MEGF11: variants seen among roughly 807,000 people sequenced by gnomAD.
MEGF11 encodes the protein multiple epidermal growth factor-like domains protein 11.
MEGF11 carries 126 observed loss-of-function variants against 146.6 expected under a neutral mutation model. The ratio of observed to expected loss-of-function variants is 0.86; its 90% CI spans 0.74 to 1.00. MEGF11 has a LOEUF of 1.00. Ranked by LOEUF, MEGF11 falls within the 50% of genes least tolerant of loss-of-function variation. The pLI, the probability that MEGF11 is intolerant of heterozygous loss-of-function variation, is 0.00. For synonymous variants in MEGF11, 532 were observed against 583.4 expected, an observed-to-expected ratio of 0.91 and a Z score of 1.27; for missense variants, 1,509 against 1,521.2, an observed-to-expected ratio of 0.99 and a Z score of 0.13.
chr15:65,904,309 C>CTG lies in MEGF11; in HGVS notation c.3055+1774_3055+1775dup, dbSNP rs1476717504. Among the ~76,000 whole-genome samples, 5 of 152,300 alleles carry CTG rather than the reference C, an allele frequency of 3.3e-5. No homozygotes were observed. In the East Asian group the frequency reaches 9.6e-4, roughly 29 times the overall value. ...GCCAGGTCATAGTCACGAAATAGAA[C>CTG]TGTTCTTTGTTTTCAGCCTTACCTA... On this transcript the variant is annotated intron_variant, in intron 24 of 25. Coordinates refer to ENST00000395614, the MANE Select transcript of MEGF11 (RefSeq NM_001385028.1).
chr15:66,082,229 C>A (rs2085887182), intron 5 of MEGF11, among the ~76,000 whole-genome samples: 1 of 151,658 alleles, frequency 6.6e-6, no homozygotes, highest in African/African-American at 2.4e-5. Flanking sequence ...CCTCCCTGAG[C>A]TTTGATTTCT....
chr15:65,923,394 G>C (rs1428495137), intron 13 of MEGF11, among the ~76,000 whole-genome samples: 1 of 152,204 alleles, frequency 6.6e-6, no homozygotes, highest in East Asian at 1.9e-4. Context: ...CTATGGGCAA[G>C]TAAGTGCCAG....
At chr15:65,926,602 G>A (rs1202660906) in intron 13 of MEGF11, among the ~76,000 whole-genome samples, 1 of 152,158 alleles carries the variant, frequency 6.6e-6, no homozygotes, top group Non-Finnish European at 1.5e-5. Flanking sequence ...AGAGGTGAGT[G>A]GGGAGGGCTC....
intron 1 of MEGF11, among the ~76,000 whole-genome samples, chr15:66,131,992 C>T (rs1256442404): frequency 6.6e-6 from 1 of 152,220 alleles, no homozygotes; most frequent in Non-Finnish European, 1.5e-5. Context: ...TCTATTCTAA[C>T]ACTCAAGGGC....
At chr15:65,922,562 G>C in intron 14 of MEGF11, 90 bp from the exon 15 acceptor site, 1 of 1,448,912 alleles carries the variant, frequency 6.9e-7, no homozygotes, top group Non-Finnish European at 9.1e-7. Flanking sequence ...CAGAAACATG[G>C]GGAGACCTGC....
At chr15:65,917,930 C>T (rs2141231663) in intron 16 of MEGF11, 36 bp downstream of exon 16, 1 of 1,613,064 alleles carries the variant, frequency 6.2e-7, no homozygotes, top group African/African-American at 1.3e-5. Context: ...TGGGCCTGAC[C>T]CCAGGTAGGG....
At chr15:66,203,238 G>C (rs1175721192) in intron 1 of MEGF11, among the ~76,000 whole-genome samples, 1 of 152,206 alleles carries the variant, frequency 6.6e-6, no homozygotes, top group East Asian at 1.9e-4. Flanking sequence ...GGAGGTCGGA[G>C]AGCATCGGGC....
chr15:66,051,992 C>G (rs1162367405), intron 5 of MEGF11, among the ~76,000 whole-genome samples: 1 of 152,214 alleles, frequency 6.6e-6, no homozygotes, highest in African/African-American at 2.4e-5. Context: ...TTTACTCCAT[C>G]AGCAGGCTGC....
Position 65,909,802 on chromosome 15 carries a change from C to T in MEGF11, c.2834G>A (p.Ser945Asn). Residue 945 changes from serine to asparagine, a missense_variant, in exon 22 of 26, where the codon AGT becomes AAT. Coordinates refer to ENST00000395614, the MANE Select transcript of MEGF11 (RefSeq NM_001385028.1). ...TGTGTCTCTGTCAAGGGACTTGTTACTGAGCTGTTTGGAGAGTAGGAGAGC... is the reference window on the plus strand; with the variant it reads ...TGTGTCTCTGTCAAGGGACTTGTTATTGAGCTGTTTGGAGAGTAGGAGAGC... ...TLDRNSPTKL[S>N]NKSLDRDTAG... is the part of the protein sequence containing the mutation. The T allele has an allele frequency of 6.3e-7, 1 of 1,577,440 alleles. No individual in the cohort carries two copies. The highest frequency in any genetic ancestry group is 8.6e-7 in the Non-Finnish European group (1 of 1,169,356).
chr15:66,024,497 T>C (rs1484571273), intron 5 of MEGF11, among the ~76,000 whole-genome samples: 1 of 152,382 alleles, frequency 6.6e-6, no homozygotes, highest in East Asian at 1.9e-4. Flanking sequence ...ACAGGTGTGC[T>C]AATATCTGCC....
intron 5 of MEGF11, among the ~76,000 whole-genome samples, chr15:66,026,508 G>A (rs961580579): frequency 3.9e-5 from 6 of 152,100 alleles, no homozygotes; most frequent in African/African-American, 1.4e-4. Flanking sequence ...TTTTTGAGAC[G>A]GAGTCTTGCT....
At chr15:66,135,449 C>G (rs934500102) in intron 1 of MEGF11, among the ~76,000 whole-genome samples, 1 of 152,188 alleles carries the variant, frequency 6.6e-6, no homozygotes, top group Non-Finnish European at 1.5e-5. Flanking sequence ...GCCCCAAGCC[C>G]CTGAACACTT....
chr15:66,080,868 A>G (rs1344855561), intron 5 of MEGF11, among the ~76,000 whole-genome samples: 3 of 152,248 alleles, frequency 2.0e-5, no homozygotes, highest in Non-Finnish European at 4.4e-5. Flanking sequence ...AGATGCCGGC[A>G]GAAGGCGGCC....
intron 1 of MEGF11, among the ~76,000 whole-genome samples, chr15:66,204,101 G>A (rs1012828395): frequency 6.6e-6 from 1 of 151,470 alleles, no homozygotes; most frequent in Admixed American, 6.6e-5. Context: ...AAAAAAAAAG[G>A]TTCTACAAAA....
At position 65,995,179 on chromosome 15, in the gene MEGF11, G is replaced by A. The variant is rs186261779; in HGVS notation, c.395-12691C>T. 9.9e-3 allele frequency among the ~76,000 whole-genome samples: 1,515 copies of A among 152,312 alleles called. 26 individuals carry two copies. The highest frequency in any genetic ancestry group is 0.012 in the Non-Finnish European group (787 of 68,020). On this transcript the variant is annotated intron_variant, in intron 5 of 25. Coordinates refer to ENST00000395614, the MANE Select transcript of MEGF11 (RefSeq NM_001385028.1). ...GCCGGTAAGAGCACAGGGAGGGGGC[G>A]TGCAGGGCTGGCAGGGCAGCCTGGA... is the stretch of plus-strand genomic sequence containing the variant.
At position 65,953,081 on chromosome 15, in the gene MEGF11, C is replaced by T. The variant is rs920379882; in HGVS notation, c.1287+4466G>A. ...TCATGGCTCTGATCCATCAGGTATC[C>T]GTGGGTACAGCTCATCCCAACACCC... is the stretch of plus-strand genomic sequence containing the variant. On this transcript the variant is annotated intron_variant, in intron 10 of 25. Coordinates refer to ENST00000395614, the MANE Select transcript of MEGF11 (RefSeq NM_001385028.1). 3.3e-5 allele frequency among the ~76,000 whole-genome samples: 5 copies of T among 152,292 alleles called. No homozygotes were observed. The East Asian group carries it at 7.7e-4, about 24-fold the overall frequency.
chr15:66,095,296 C>T (rs953278897), intron 4 of MEGF11, among the ~76,000 whole-genome samples: 3 of 152,178 alleles, frequency 2.0e-5, no homozygotes, highest in African/African-American at 7.2e-5. Context: ...ATCTTTTGCT[C>T]CTGAAAGATC....
chr15:66,027,467 C>A (rs572076158), intron 5 of MEGF11, among the ~76,000 whole-genome samples: 1 of 152,322 alleles, frequency 6.6e-6, no homozygotes, highest in South Asian at 2.1e-4. Flanking sequence ...CACTGTGCAC[C>A]GTAACATTTG....
chr15:65,999,107 C>G (rs1015496220), intron 5 of MEGF11, among the ~76,000 whole-genome samples: 1 of 151,526 alleles, frequency 6.6e-6, no homozygotes, highest in Non-Finnish European at 1.5e-5. Context: ...CACAGTGGCA[C>G]AGACACAGCT....
Sources: gnomAD v4.1 joint callset for allele counts (sites outside exome capture counted in the v4.1 genomes callset) on GRCh38, gnomAD v4.1.1 for gene constraint, MANE v1.5 for transcripts, NCBI Gene and HGNC (gene_info 2026-07-23, HGNC 2026-07-21) for gene names.